Variants in LDLRAD4 observed in about 807,000 individuals in gnomAD.
LDLRAD4 encodes low-density lipoprotein receptor class A domain-containing protein 4.
In LDLRAD4, 5 loss-of-function variants were observed where a neutral mutation model predicts 17.0. That is an observed-to-expected ratio of 0.29 (90% CI 0.15 to 0.62). LDLRAD4 has a LOEUF of 0.62. Ranked by LOEUF, LDLRAD4 falls within the 20% of genes least tolerant of loss-of-function variation. LDLRAD4 has a pLI of 0.84. For missense variants in LDLRAD4, 340 were observed against 424.7 expected (o/e 0.80, Z 1.75); for synonymous variants, 168 against 171.8 (o/e 0.98, Z 0.17).
At chr18:13,228,548 G>C (rs1012905569) in intron 1 of LDLRAD4, among the ~76,000 whole-genome samples, 3 of 152,174 alleles carry the variant, frequency 2.0e-5, no homozygotes, top group African/African-American at 7.2e-5. Context: ...TGCAGGACTT[G>C]AGGAAATGTC....
intron 1 of LDLRAD4, among the ~76,000 whole-genome samples, chr18:13,332,373 G>A (rs769323790): frequency 1.1e-4 from 17 of 152,216 alleles, no homozygotes; most frequent in Non-Finnish European, 1.8e-4. Context: ...CACCACAGTG[G>A]TACATTTGTT....
intron 3 of LDLRAD4, among the ~76,000 whole-genome samples, chr18:13,534,281 C>A (rs1601169984): frequency 6.6e-6 from 1 of 152,188 alleles, no homozygotes; most frequent in South Asian, 2.1e-4. Flanking sequence ...AGCCTGAGTA[C>A]GTTTGGTATT....
chr18:13,575,062 T>G (rs772389849), intron 3 of LDLRAD4, among the ~76,000 whole-genome samples: 3 of 152,190 alleles, frequency 2.0e-5, no homozygotes, highest in Admixed American at 6.5e-5. Flanking sequence ...GAAAAGGGTT[T>G]GTTTGTTTTT....
intron 3 of LDLRAD4, chr18:13,461,390 G>A (rs949381852): frequency 2.0e-5 from 3 of 152,256 alleles, no homozygotes; most frequent in East Asian, 3.8e-4. Flanking sequence ...TGAGGAAAAT[G>A]GATTCTAGGA....
intron 1 of LDLRAD4, among the ~76,000 whole-genome samples, chr18:13,329,685 T>A (rs1364176373): frequency 1.3e-5 from 2 of 152,242 alleles, no homozygotes; most frequent in Non-Finnish European, 2.9e-5. Context: ...TTGAAATTTA[T>A]CCTGCTGTGG....
At chr18:13,508,700 A>G (rs1275667841) in intron 3 of LDLRAD4, among the ~76,000 whole-genome samples, 1 of 152,236 alleles carries the variant, frequency 6.6e-6, no homozygotes, top group Admixed American at 6.5e-5. Context: ...GGAAAAAAAA[A>G]GATTCCTTTC....
intron 3 of LDLRAD4, chr18:13,614,877 C>A (rs2039927890): frequency 6.6e-6 from 1 of 152,222 alleles, no homozygotes; most frequent in Non-Finnish European, 1.5e-5. Flanking sequence ...CTCATCACCA[C>A]ACCCGTCTCT....
rs2041092624 is a variant in LDLRAD4, at chr18:13,625,754, C to T, written c.336+4483C>T. Among the ~76,000 whole-genome samples, 3 of 116,804 alleles carry T rather than the reference C, an allele frequency of 2.6e-5. No individual in the cohort carries two copies. The South Asian group carries it at 1.1e-3, about 45-fold the overall frequency. 76.6% of individuals were successfully genotyped at this position (116,804 alleles called of 152,430 possible). A position where few individuals can be genotyped will look rare whatever the true frequency, so the allele number is the denominator to read the frequency against. On this transcript the variant is annotated intron_variant, in intron 4 of 5. Transcript: ENST00000359446. ...CTCCTCCCCCCACCAGAGCCCTCCT[C>T]CCCCTGCCACCACCCTCCTCCCCCC...
exon 6 of LDLRAD4, chr18:13,649,418 A>G (rs2043149396): frequency 6.6e-6 from 1 of 152,354 alleles, no homozygotes; most frequent in Non-Finnish European, 1.5e-5. Flanking sequence ...TCTTCCATCC[A>G]GCGGCTCTTC....
chr18:13,307,467 A>G (rs2046982780), intron 1 of LDLRAD4, among the ~76,000 whole-genome samples: 1 of 152,208 alleles, frequency 6.6e-6, no homozygotes, highest in African/African-American at 2.4e-5. Context: ...GCCCAGGCTG[A>G]GTGCAGTGGT....
chr18:13,325,757 CTT>C (rs35534448), intron 1 of LDLRAD4, among the ~76,000 whole-genome samples: 5 of 145,716 alleles, frequency 3.4e-5, no homozygotes, highest in Admixed American at 6.9e-5. Flanking sequence ...AACTTTTTTC[CTT>C]TTTTTTTTTT....
chr18:13,341,383 T>C (rs911167652), intron 1 of LDLRAD4, among the ~76,000 whole-genome samples: 8 of 152,160 alleles, frequency 5.3e-5, no homozygotes, highest in Non-Finnish European at 1.0e-4. Flanking sequence ...TTTTATTAAT[T>C]GGTGTTTTCT....
intron 3 of LDLRAD4, among the ~76,000 whole-genome samples, chr18:13,610,257 A>C: frequency 8.2e-6 from 1 of 122,522 alleles, no homozygotes; most frequent in African/African-American, 2.8e-5. Flanking sequence ...AAGTTCACCA[A>C]AGCCCTAATT....
At chr18:13,545,971 A>G (rs1482862467) in intron 3 of LDLRAD4, among the ~76,000 whole-genome samples, 1 of 152,180 alleles carries the variant, frequency 6.6e-6, no homozygotes, top group African/African-American at 2.4e-5. Context: ...GCAGTGAAGG[A>G]TAGGGTCGGG....
At chr18:13,590,116 T>C (rs1375206467) in intron 3 of LDLRAD4, among the ~76,000 whole-genome samples, 3 of 151,272 alleles carry the variant, frequency 2.0e-5, no homozygotes, top group Non-Finnish European at 3.0e-5. Flanking sequence ...TGTGACTGCA[T>C]GTGCGTGGGT....
intron 1 of LDLRAD4, among the ~76,000 whole-genome samples, chr18:13,353,944 G>A (rs1399275310): frequency 6.6e-6 from 1 of 152,154 alleles, no homozygotes; most frequent in African/African-American, 2.4e-5. Flanking sequence ...GTGAATGAGG[G>A]CCTGGAGCCT....
intron 1 of LDLRAD4, among the ~76,000 whole-genome samples, chr18:13,295,914 G>A (rs1005640126): frequency 1.3e-5 from 2 of 152,236 alleles, no homozygotes; most frequent in Non-Finnish European, 2.9e-5. Context: ...TAAAGTTGGA[G>A]CTTTGGGACT....
intron 2 of LDLRAD4, 105 bp from the exon 4 acceptor site, chr18:13,438,139 A>T: frequency 1.9e-6 from 2 of 1,040,508 alleles, no homozygotes; most frequent in East Asian, 2.4e-5. Flanking sequence ...GAGCTCCCAA[A>T]CAATCATGGC....
intron 1 of LDLRAD4, among the ~76,000 whole-genome samples, chr18:13,263,165 TG>T (rs2044005743): frequency 7.3e-6 from 1 of 137,352 alleles, no homozygotes; most frequent in South Asian, 2.4e-4. Context: ...TCTGTGTGCG[TG>T]GGGGCTGAGT....
Sources: gnomAD v4.1 joint callset for allele counts (sites outside exome capture counted in the v4.1 genomes callset) on GRCh38, gnomAD v4.1.1 for gene constraint, MANE v1.5 for transcripts, NCBI Gene and HGNC (gene_info 2026-07-23, HGNC 2026-07-21) for gene names.